The following MRC1 variants were observed in gnomAD, a reference collection of about 807,000 sequenced individuals.
MRC1 encodes the protein mannose receptor C-type 1.
MRC1 carries 62 observed loss-of-function variants against 102.9 expected under a neutral mutation model. That is an observed-to-expected ratio of 0.60 (90% CI 0.49 to 0.74). The LOEUF is 0.74. Ranked by LOEUF, MRC1 falls within the 30% of genes least tolerant of loss-of-function variation. MRC1 has a pLI of 0.00. For missense variants in MRC1, 1,237 were observed against 862.8 expected, an observed-to-expected ratio of 1.43 and a Z score of -5.43; for synonymous variants, 457 against 298.4, an observed-to-expected ratio of 1.53 and a Z score of -5.48.
rs1419253578 is a variant in MRC1 at position 17,910,259 on chromosome 10, G to A, written c.4165G>A (p.Ala1389Thr). 18 of 780,746 alleles carry A rather than the reference G, an allele frequency of 2.3e-5. No homozygotes were observed. The highest frequency in any genetic ancestry group is 3.8e-5 in the Non-Finnish European group (16 of 417,958). 48.4% of individuals were successfully genotyped at this position (780,746 alleles called of 1,614,324 possible). ...MDPSKPSSNV[A>T]GVVIIVILLI... Reference sequence around the variant, plus strand: ...CCCTTCTAAACCGTCTTCCAACGTGGCCGGAGTAGTCATCATTGTGATCCT... The same window carrying A: ...CCCTTCTAAACCGTCTTCCAACGTGACCGGAGTAGTCATCATTGTGATCCT... The change falls in exon 30 of 30, where the codon GCC (alanine) becomes ACC (threonine). Residue 1389 changes from alanine (A) to threonine (T), a missense_variant. By Grantham distance (58) the Ala-to-Thr change is moderately conservative. Coordinates refer to ENST00000569591, the MANE Select transcript of MRC1 (RefSeq NM_002438.4).
intron 5 of MRC1, among the ~76,000 whole-genome samples, chr10:17,842,093 G>C (rs2130628042): frequency 1.3e-5 from 2 of 152,234 alleles, no homozygotes; most frequent in South Asian, 4.1e-4. Flanking sequence ...CTCCTAAGAG[G>C]CTGGGATTAC....
chr10:17,837,113 A>G (rs1198697821), intron 4 of MRC1, among the ~76,000 whole-genome samples: 1 of 152,148 alleles, frequency 6.6e-6, no homozygotes, highest in Admixed American at 6.5e-5. Flanking sequence ...CTCGAGCTGC[A>G]GGAAATGCTT....
intron 3 of MRC1, among the ~76,000 whole-genome samples, chr10:17,830,197 T>A (rs1480593034): frequency 4.6e-5 from 7 of 151,346 alleles, no homozygotes; most frequent in Non-Finnish European, 8.8e-5. Context: ...ATTAGCATGA[T>A]CTTGGCTCAC....
intron 1 of MRC1, among the ~76,000 whole-genome samples, chr10:17,812,753 A>G (rs1294769585): frequency 2.6e-5 from 4 of 151,702 alleles, no homozygotes; most frequent in Non-Finnish European, 5.9e-5. Flanking sequence ...TTCTATTTTT[A>G]GTAGAGATGG....
chr10:17,871,277 C>G (rs1484874353), intron 14 of MRC1, among the ~76,000 whole-genome samples: 1 of 152,164 alleles, frequency 6.6e-6, no homozygotes, highest in African/African-American at 2.4e-5. Flanking sequence ...AATTTCAGTT[C>G]TACCTCTTAA....
At chr10:17,884,569 C>T (rs924379045) in intron 21 of MRC1, among the ~76,000 whole-genome samples, 16 of 152,294 alleles carry the variant, frequency 1.1e-4, no homozygotes, top group African/African-American at 3.4e-4. Flanking sequence ...GGGAAGCAAA[C>T]ATGTCCTTCT....
intron 3 of MRC1, among the ~76,000 whole-genome samples, chr10:17,828,212 G>T (rs1554838806): frequency 6.6e-6 from 1 of 152,094 alleles, no homozygotes; most frequent in East Asian, 1.9e-4. Context: ...GAGTAGCTGG[G>T]ACTACAGGCG....
At chr10:17,837,877 A>T (rs1275634992) in intron 4 of MRC1, among the ~76,000 whole-genome samples, 1 of 152,082 alleles carries the variant, frequency 6.6e-6, no homozygotes, top group East Asian at 1.9e-4. Context: ...CTGGGATTAC[A>T]GGCGTGAGCC....
intron 17 of MRC1, among the ~76,000 whole-genome samples, chr10:17,877,340 A>G (rs1833450464): frequency 6.7e-6 from 1 of 148,254 alleles, no homozygotes; most frequent in Non-Finnish European, 1.5e-5. Context: ...TATAGAAAAT[A>G]TATGTAATAC....
At chr10:17,824,722 C>T (rs1398624121) in intron 2 of MRC1, among the ~76,000 whole-genome samples, 2 of 151,980 alleles carry the variant, frequency 1.3e-5, no homozygotes, top group African/African-American at 4.8e-5. Context: ...AGTCAAATTC[C>T]ACAGGTGGGA....
At chr10:17,884,197 G>A (rs1156606307) in intron 21 of MRC1, among the ~76,000 whole-genome samples, 1 of 152,076 alleles carries the variant, frequency 6.6e-6, no homozygotes, top group Non-Finnish European at 1.5e-5. Context: ...TTGAACTCCT[G>A]GCCTCAAGCA....
In MRC1 at chr10:17,880,520, G is replaced by A; in HGVS notation, c.2720-5G>A. 1 of 780,684 alleles carries A rather than the reference G, an allele frequency of 1.3e-6. No individual in the cohort carries two copies. The highest frequency in any genetic ancestry group is 2.4e-6 in the Non-Finnish European group (1 of 417,938). The allele number at this position is 780,684 out of a possible 1,614,324, so 48.4% of individuals were successfully genotyped here. On this transcript the variant is annotated splice_polypyrimidine_tract_variant and splice_region_variant and intron_variant, in intron 19 of 29. Transcript: ENST00000569591. ...ATCTAATTTAACTATTTCTCTCTTT[G>A]CCAGGGTTTTGGAATGACATTAACT...
chr10:17,870,878 G>T lies in MRC1; in HGVS notation c.2142G>T (p.Trp714Cys). ...TASGSYHKLFWLGLTYGSPSE... is the reference protein window; with the variant it reads ...TASGSYHKLFCLGLTYGSPSE... ...GTGGAAGCTACCACAAACTGTTTTG[G>T]TTGGGATTGACATATGGAAGCCCTT... The change falls in exon 14 of 30, where the codon TGG (tryptophan) becomes TGT (cysteine). Residue 714 changes from tryptophan (W) to cysteine (C), a missense_variant. Physicochemically the swap from Trp to Cys is radical, Grantham distance 215. Transcript: ENST00000569591. 1 of 872,410 alleles carries T rather than the reference G, an allele frequency of 1.1e-6. No individual in the cohort carries two copies. The highest frequency in any genetic ancestry group is 1.3e-5 in the South Asian group (1 of 76,530). 54.0% of individuals were successfully genotyped at this position (872,410 alleles called of 1,614,324 possible).
intron 22 of MRC1, among the ~76,000 whole-genome samples, chr10:17,885,673 T>C (rs1833582741): frequency 6.6e-6 from 1 of 152,198 alleles, no homozygotes; most frequent in African/African-American, 2.4e-5. Flanking sequence ...AGTTCCATTC[T>C]GAGCCTAACT....
At position 17,827,561 on chromosome 10, in the gene MRC1, C is replaced by T. The variant is rs893658472; in HGVS notation, c.483C>T (p.Gly161=). 7 of 780,676 alleles carry T rather than the reference C, an allele frequency of 9.0e-6. No homozygotes were observed. The highest frequency in any genetic ancestry group is 1.7e-5 in the Non-Finnish European group (7 of 417,960). 48.4% of individuals were successfully genotyped at this position (780,676 alleles called of 1,614,324 possible). Residue 161 remains glycine, a synonymous_variant, in exon 3 of 30, where the codon GGC becomes GGT. Coordinates refer to ENST00000569591, the MANE Select transcript of MRC1 (RefSeq NM_002438.4). ...TTCCAGCCATGTATACGCTACTAGGCAATGCCAATGGAGCAACCTGTGCAT... is the reference window on the plus strand; with the variant it reads ...TTCCAGCCATGTATACGCTACTAGGTAATGCCAATGGAGCAACCTGTGCAT... ...RGYEAMYTLL[G]NANGATCAFP...
chr10:17,833,501 A>G (rs1838611768), intron 3 of MRC1, among the ~76,000 whole-genome samples, 174 bp from the exon 4 acceptor site: 1 of 148,108 alleles, frequency 6.8e-6, no homozygotes, highest in Admixed American at 6.8e-5. Context: ...AGCCTGGGCA[A>G]CAGAGCAAGA....
Position 17,827,617 on chromosome 10 carries a change from C to A in MRC1, c.539C>A (p.Ala180Glu). ...TTCAAGTTTGAAAACAAGTGGTACG[C>A]AGATTGCACGAGTGCTGGGCGGTCG... is the stretch of plus-strand genomic sequence containing the variant. ...FPFKFENKWY[A>E]DCTSAGRSDG... Residue 180 changes from alanine to glutamate, a missense_variant, in exon 3 of 30, where the codon GCA becomes GAA. Physicochemically the swap from Ala to Glu is moderately radical, Grantham distance 107. Transcript: ENST00000569591. 1 of 780,794 alleles carries A rather than the reference C, an allele frequency of 1.3e-6. No individual in the cohort carries two copies. Among genetic ancestry groups the A allele is most frequent in the Non-Finnish European group, 2.4e-6 (1 of 417,944 alleles). 48.4% of individuals were successfully genotyped at this position (780,794 alleles called of 1,614,324 possible).
chr10:17,818,119 C>T (rs1249191075), intron 1 of MRC1, among the ~76,000 whole-genome samples: 1 of 152,154 alleles, frequency 6.6e-6, no homozygotes, highest in East Asian at 1.9e-4. Context: ...TTTTCATTTC[C>T]AAGTACCCTT....
At chr10:17,822,896 G>T (rs972709375) in intron 1 of MRC1, among the ~76,000 whole-genome samples, 178 bp from the exon 2 acceptor site, 49 of 152,248 alleles carry the variant, frequency 3.2e-4, no homozygotes, top group African/African-American at 1.0e-3. Flanking sequence ...CAGCTTCAGG[G>T]ATCCTCGAAG....
Sources: gnomAD v4.1 joint callset for allele counts (sites outside exome capture counted in the v4.1 genomes callset) on GRCh38, gnomAD v4.1.1 for gene constraint, MANE v1.5 for transcripts, NCBI Gene and HGNC (gene_info 2026-07-23, HGNC 2026-07-21) for gene names.